Variants in CFAP77 observed in about 807,000 individuals in gnomAD.
The protein encoded by CFAP77 is cilia and flagella associated protein 77.
A neutral mutation model predicts 31.1 loss-of-function variants in CFAP77; 25 were observed. That is an observed-to-expected ratio of 0.80 (90% CI 0.59 to 1.12). The LOEUF (loss-of-function observed/expected upper bound fraction) is 1.12. Ranked by LOEUF, CFAP77 falls within the 50% of genes most tolerant of loss-of-function variation. CFAP77 has a pLI of 0.00. For synonymous variants in CFAP77, 151 were observed against 159.9 expected, an observed-to-expected ratio of 0.94 and a Z score of 0.42; for missense variants, 377 against 397.3, an observed-to-expected ratio of 0.95 and a Z score of 0.44.
chr9:132,524,688 G>A (rs958247518), intron 3 of CFAP77, among the ~76,000 whole-genome samples: 2 of 151,782 alleles, frequency 1.3e-5, no homozygotes, highest in Non-Finnish European at 1.5e-5. Flanking sequence ...TCGCTCTGTC[G>A]CCCAGGCTGG....
Position 132,490,886 on chromosome 9 carries a change from G to A in CFAP77, c.196-7809G>A, listed in dbSNP as rs562791. Reference sequence around the variant, plus strand: ...GGGCCACTGTCTGCATGGCGTCTGCGTGTTCTCCCCGTGTCTGTGTGGGTT... The same window carrying A: ...GGGCCACTGTCTGCATGGCGTCTGCATGTTCTCCCCGTGTCTGTGTGGGTT... On this transcript the variant is annotated intron_variant, in intron 1 of 5. Coordinates refer to ENST00000393216, the MANE Select transcript of CFAP77 (RefSeq NM_001282957.2). This position sits in a 1 kb window ranked among gnomAD's most constrained non-coding sequence, Gnocchi z 4.6. Among the ~76,000 whole-genome samples the A allele has an allele frequency of 0.2, 30,601 of 152,054 alleles. 3,777 individuals carry two copies. Among genetic ancestry groups the A allele is most frequent in the African/African-American group, 0.34 (14,243 of 41,432 alleles).
chr9:132,422,923 T>C (rs1243685652), intron 1 of CFAP77, among the ~76,000 whole-genome samples: 4 of 152,196 alleles, frequency 2.6e-5, no homozygotes, highest in African/African-American at 4.8e-5. Context: ...GACGTGTCCT[T>C]CCAGGCTGGT....
At chr9:132,420,429 G>A (rs975773333) in intron 1 of CFAP77, among the ~76,000 whole-genome samples, 2 of 151,380 alleles carry the variant, frequency 1.3e-5, no homozygotes, top group African/African-American at 4.9e-5. Context: ...GAGGTGGGCG[G>A]ATCACTTGAG....
intron 3 of CFAP77, among the ~76,000 whole-genome samples, chr9:132,506,974 T>C (rs747703367): frequency 6.6e-6 from 1 of 152,216 alleles, no homozygotes; most frequent in Non-Finnish European, 1.5e-5. Flanking sequence ...ACTCTGCTCA[T>C]GTTTTTCCAG....
intron 1 of CFAP77, among the ~76,000 whole-genome samples, chr9:132,451,473 T>C (rs1330949113): frequency 2.0e-5 from 3 of 152,144 alleles, no homozygotes; most frequent in African/African-American, 7.2e-5. Context: ...CAATGATTCA[T>C]AGTTTCGCGA....
At position 132,445,594 on chromosome 9, in the gene CFAP77, G is replaced by A. The variant is rs568920763; in HGVS notation, c.195+35128G>A. Among the ~76,000 whole-genome samples the A allele has an allele frequency of 1.1e-3, 170 of 152,180 alleles. 1 individual carries two copies. The highest frequency in any genetic ancestry group is 3.9e-3 in the African/African-American group (162 of 41,546). ...GAAAAACAAAATAAATATGCTGGGC[G>A]CGGTGGCTCACGCCTGTAATCCCAG... On this transcript the variant is annotated intron_variant, in intron 1 of 5. Transcript: ENST00000393216.
chr9:132,499,699 T>C lies in CFAP77; in HGVS notation c.524+99T>C. ...AGGGTGACAGGGAAGTGGAGCATCC[T>C]CCCAGCCCCACTGTCCTCTCTTCAA... On this transcript the variant is annotated intron_variant, in intron 3 of 5. Coordinates refer to ENST00000393216, the MANE Select transcript of CFAP77 (RefSeq NM_001282957.2). This position sits in a 1 kb window ranked among gnomAD's most constrained non-coding sequence, Gnocchi z 5.4. 1 of 1,045,294 alleles carries C rather than the reference T, an allele frequency of 9.6e-7. No homozygotes were observed. Among genetic ancestry groups the C allele is most frequent in the Non-Finnish European group, 1.5e-6 (1 of 687,680 alleles). 64.8% of individuals were successfully genotyped at this position (1,045,294 alleles called of 1,614,324 possible).
At chr9:132,466,727 C>G (rs989162520) in intron 1 of CFAP77, among the ~76,000 whole-genome samples, 1 of 152,220 alleles carries the variant, frequency 6.6e-6, no homozygotes, top group Non-Finnish European at 1.5e-5. Context: ...TCTGGCCCCT[C>G]CTCACCACAT....
intron 1 of CFAP77, among the ~76,000 whole-genome samples, chr9:132,435,281 A>G (rs1037340496): frequency 3.3e-5 from 5 of 152,174 alleles, no homozygotes; most frequent in African/African-American, 1.2e-4. Context: ...GAGATTGCCC[A>G]CTTATTTTAT....
chr9:132,482,807 TGGGGGGA>T (rs1851471057), intron 1 of CFAP77, among the ~76,000 whole-genome samples: 1 of 30,412 alleles, frequency 3.3e-5, no homozygotes. Context: ...TGTTGTGGGG[TGGGGGGA>T]GGGGGGAGGG....
chr9:132,479,495 T>G (rs1353755265), intron 1 of CFAP77, among the ~76,000 whole-genome samples: 1 of 152,212 alleles, frequency 6.6e-6, no homozygotes, highest in Non-Finnish European at 1.5e-5. Context: ...AGGTCCTCCT[T>G]GTGGCGTTCT....
At chr9:132,460,917 G>A (rs1183923956) in intron 1 of CFAP77, among the ~76,000 whole-genome samples, 9 of 152,038 alleles carry the variant, frequency 5.9e-5, no homozygotes, top group Non-Finnish European at 1.3e-4. Flanking sequence ...GTAGAGACGG[G>A]GTTTCACCAT....
Position 132,550,264 on chromosome 9 carries a change from G to GT in CFAP77, c.732+7223dup, listed in dbSNP as rs547680982. Among the ~76,000 whole-genome samples the GT allele has an allele frequency of 2.6e-4, 39 of 152,260 alleles. No homozygotes were observed. In the East Asian group the frequency reaches 6.9e-3, roughly 27 times the overall value. ...CCTGATTATATGCAAAAATATTTCGGTTTTTTGTTGAAAATCACCAGAATC... is the reference window on the plus strand; with the variant it reads ...CCTGATTATATGCAAAAATATTTCGGTTTTTTTGTTGAAAATCACCAGAATC... On this transcript the variant is annotated intron_variant, in intron 5 of 5. Coordinates refer to ENST00000393216, the MANE Select transcript of CFAP77 (RefSeq NM_001282957.2).
intron 1 of CFAP77, among the ~76,000 whole-genome samples, chr9:132,429,566 C>T (rs1347225291): frequency 6.9e-6 from 1 of 145,608 alleles, no homozygotes; most frequent in African/African-American, 2.6e-5. Context: ...AAAAAAAGGC[C>T]GGGCCCAGTG....
At chr9:132,520,990 G>C (rs1300641591) in intron 3 of CFAP77, among the ~76,000 whole-genome samples, 1 of 152,234 alleles carries the variant, frequency 6.6e-6, no homozygotes, top group African/African-American at 2.4e-5. Context: ...AATTACTTCT[G>C]AACACAGTCC....
intron 1 of CFAP77, among the ~76,000 whole-genome samples, chr9:132,485,030 G>T (rs1299613305): frequency 6.6e-6 from 1 of 151,986 alleles, no homozygotes; most frequent in East Asian, 1.9e-4. Flanking sequence ...TTTATTTTTA[G>T]TAGAGACAGG....
chr9:132,531,202 C>T lies in CFAP77; in HGVS notation c.525-6399C>T, dbSNP rs1009515304. ...TCTGTCTCCTTCCCCCCTTCCCTCC[C>T]GCCATGTGTCCTCTCTTTCTCTCTC... On this transcript the variant is annotated intron_variant, in intron 3 of 5. Transcript: ENST00000393216. Among the ~76,000 whole-genome samples, 6 of 152,326 alleles carry T rather than the reference C, an allele frequency of 3.9e-5. No homozygotes were observed. The East Asian group carries it at 5.8e-4, about 15-fold the overall frequency.
chr9:132,473,048 C>T (rs556903564), intron 1 of CFAP77, among the ~76,000 whole-genome samples: 1 of 152,000 alleles, frequency 6.6e-6, no homozygotes, highest in Non-Finnish European at 1.5e-5. Flanking sequence ...CCACTCACAG[C>T]GGGAAGCAAA....
chr9:132,508,584 TG>T (rs371173631), intron 3 of CFAP77, among the ~76,000 whole-genome samples: 1 of 151,600 alleles, frequency 6.6e-6, no homozygotes, highest in East Asian at 1.9e-4. Flanking sequence ...ATTAGGACAG[TG>T]GGGGGGTTTT....
Sources: allele counts gnomAD v4.1 joint callset (sites outside exome capture counted in the v4.1 genomes callset), GRCh38; gene constraint gnomAD v4.1.1; non-coding constraint Gnocchi (gnomAD v3.1); transcripts MANE v1.5; gene names NCBI Gene and HGNC (gene_info 2026-07-23, HGNC 2026-07-21).